Variants in AKT3 observed in about 807,000 individuals in gnomAD.
AKT3 encodes AKT serine/threonine kinase 3.
A neutral mutation model predicts 65.3 loss-of-function variants in AKT3; 15 were observed. The observed-to-expected ratio is 0.23, with a 90% CI of 0.15 to 0.35. AKT3 has a LOEUF of 0.35. AKT3 is among the 10% of genes least tolerant of loss of function. AKT3 has a pLI of 1.00. For synonymous variants in AKT3, 206 were observed against 183.8 expected (o/e 1.12, Z -0.98); for missense variants, 243 against 576.5 (o/e 0.42, Z 5.92).
At chr1:243,715,196 A>T (rs546171150) in intron 2 of AKT3, among the ~76,000 whole-genome samples, 1 of 152,178 alleles carries the variant, frequency 6.6e-6, no homozygotes, top group East Asian at 1.9e-4. Flanking sequence ...ATTGGGCATA[A>T]TTACATTAAG....
Position 243,499,911 on chromosome 1 carries a change from C to T in AKT3, c.*5338G>A. On this transcript the variant is annotated 3_prime_UTR_variant, in exon 14 of 14. Coordinates refer to ENST00000673466, the MANE Select transcript of AKT3 (RefSeq NM_005465.7). ...GACACCGCCTCAGCCTGCAGTGGGG[C>T]TGGTCCTCATCAACGCGGGCGCTGT... The T allele has an allele frequency of 5.6e-6, 5 of 893,122 alleles. No individual in the cohort carries two copies. Among genetic ancestry groups the T allele is most frequent in the South Asian group, 5.5e-5 (4 of 72,910 alleles). 55.3% of individuals were successfully genotyped at this position (893,122 alleles called of 1,614,324 possible). A position where few individuals can be genotyped will look rare whatever the true frequency, so the allele number is the denominator to read the frequency against.
chr1:243,492,147 A>G (rs1666585976), intron 13 of AKT3, among the ~76,000 whole-genome samples: 1 of 151,596 alleles, frequency 6.6e-6, no homozygotes, highest in African/African-American at 2.4e-5. Context: ...CACTCACAAC[A>G]ACATGGCTGG....
At chr1:243,706,915 C>T (rs920417805) in intron 2 of AKT3, among the ~76,000 whole-genome samples, 3 of 152,096 alleles carry the variant, frequency 2.0e-5, no homozygotes, top group South Asian at 2.1e-4. Context: ...TGGTTGGGAG[C>T]GCACACTCTC....
At chr1:243,767,427 G>C (rs901436878) in intron 2 of AKT3, among the ~76,000 whole-genome samples, 53 of 151,978 alleles carry the variant, frequency 3.5e-4, no homozygotes, top group African/African-American at 1.1e-3. Flanking sequence ...GATGAGCATA[G>C]ACTAATATAT....
chr1:243,547,758 T>C (rs1386565596), intron 11 of AKT3, among the ~76,000 whole-genome samples: 2 of 152,190 alleles, frequency 1.3e-5, no homozygotes, highest in Non-Finnish European at 2.9e-5. Context: ...CTAGTATCCT[T>C]TGACACACAA....
chr1:243,533,303 C>T lies in AKT3; in HGVS notation c.1251+12207G>A, dbSNP rs141744791. 2.7e-3 allele frequency among the ~76,000 whole-genome samples: 407 copies of T among 152,230 alleles called. 2 individuals are homozygous for T. Among genetic ancestry groups the T allele is most frequent in the Non-Finnish European group, 3.6e-3 (247 of 68,026 alleles). On this transcript the variant is annotated intron_variant, in intron 12 of 13. Transcript: ENST00000673466. ...TAGAACTATAAACAGAAATAGTCAA[C>T]GCCATAATTATAGTTGAAGGTTTCA...
chr1:243,532,844 T>C (rs1488883691), intron 12 of AKT3, among the ~76,000 whole-genome samples: 1 of 152,196 alleles, frequency 6.6e-6, no homozygotes, highest in Non-Finnish European at 1.5e-5. Flanking sequence ...CGGGGTCTAT[T>C]TGGATTTTCA....
At chr1:243,837,411 A>C (rs1244445768) in intron 2 of AKT3, among the ~76,000 whole-genome samples, 1 of 152,140 alleles carries the variant, frequency 6.6e-6, no homozygotes, top group African/African-American at 2.4e-5. Flanking sequence ...AATACAATCC[A>C]CCTTATGAGA....
chr1:243,791,379 A>G (rs1450679213), intron 2 of AKT3, among the ~76,000 whole-genome samples: 8 of 151,902 alleles, frequency 5.3e-5, no homozygotes. Context: ...CTGCATACCT[A>G]TTATCTCAAC....
intron 5 of AKT3, among the ~76,000 whole-genome samples, chr1:243,644,346 T>C (rs1331111372): frequency 6.6e-6 from 1 of 152,154 alleles, no homozygotes; most frequent in Non-Finnish European, 1.5e-5. Context: ...AAAAAACCAG[T>C]AGAACTTTAC....
intron 3 of AKT3, among the ~76,000 whole-genome samples, chr1:243,665,736 A>G (rs1682722305): frequency 6.6e-6 from 1 of 152,220 alleles, no homozygotes; most frequent in African/African-American, 2.4e-5. Context: ...GCATAATATG[A>G]GACCTATAAG....
intron 3 of AKT3, chr1:243,687,860 A>T (rs1684432185): frequency 6.6e-6 from 1 of 152,186 alleles, no homozygotes; most frequent in Non-Finnish European, 1.5e-5. Flanking sequence ...CAAATATCTG[A>T]ACATAACACT....
intron 8 of AKT3, chr1:243,612,371 T>G (rs1404907955): frequency 6.6e-6 from 1 of 152,094 alleles, no homozygotes; most frequent in Admixed American, 6.5e-5. Context: ...CGCCTCAGCC[T>G]CCCCAACTGC....
intron 8 of AKT3, among the ~76,000 whole-genome samples, chr1:243,609,115 A>T (rs931251965): frequency 6.6e-6 from 1 of 151,890 alleles, no homozygotes. Flanking sequence ...CCAAAGCAAA[A>T]CCAAAATTAA....
intron 8 of AKT3, among the ~76,000 whole-genome samples, chr1:243,599,922 C>T (rs968513124): frequency 1.3e-5 from 2 of 151,822 alleles, no homozygotes; most frequent in Non-Finnish European, 2.9e-5. Context: ...TAGAGAAATC[C>T]AATATATTTA....
At chr1:243,779,002 T>C (rs1394323309) in intron 2 of AKT3, among the ~76,000 whole-genome samples, 1 of 152,112 alleles carries the variant, frequency 6.6e-6, no homozygotes, top group Non-Finnish European at 1.5e-5. Flanking sequence ...TGCTGTACCA[T>C]GATTTACTTA....
chr1:243,662,091 C>A (rs1682395254), intron 4 of AKT3, among the ~76,000 whole-genome samples: 1 of 151,122 alleles, frequency 6.6e-6, no homozygotes, highest in Middle Eastern at 3.4e-3. Flanking sequence ...AATAGGAACA[C>A]TTTTACACTG....
rs530909587 is a variant in AKT3 at position 243,646,500 on chromosome 1, G to A, written c.285-463C>T. Among the ~76,000 whole-genome samples the A allele has an allele frequency of 1.1e-4, 17 of 152,004 alleles. 1 individual carries two copies. The South Asian group carries it at 2.3e-3, about 20-fold the overall frequency. ...CTCCTGAGTAGCCGGGATTACAGGC[G>A]TGTGACACAATGCCTGACTAATTTT... is the stretch of plus-strand genomic sequence containing the variant. On this transcript the variant is annotated intron_variant, in intron 4 of 13. Coordinates refer to ENST00000673466, the MANE Select transcript of AKT3 (RefSeq NM_005465.7).
intron 8 of AKT3, among the ~76,000 whole-genome samples, chr1:243,598,261 G>A (rs1447211821): frequency 2.6e-5 from 4 of 152,138 alleles, no homozygotes; most frequent in African/African-American, 9.6e-5. Flanking sequence ...ATTTTCATTG[G>A]AAGTATTAAA....
Sources: gnomAD v4.1 joint callset for allele counts (sites outside exome capture counted in the v4.1 genomes callset) on GRCh38, gnomAD v4.1.1 for gene constraint, MANE v1.5 for transcripts, NCBI Gene and HGNC (gene_info 2026-07-23, HGNC 2026-07-21) for gene names.